Variants in AGBL1 observed in about 807,000 individuals in gnomAD.
The protein encoded by AGBL1 is cytosolic carboxypeptidase 4.
Under a neutral mutation model 118.9 loss-of-function variants are expected in AGBL1, and 130 were observed. That is an observed-to-expected ratio of 1.09 (90% CI 0.95 to 1.26). The LOEUF (loss-of-function observed/expected upper bound fraction) is 1.26, where lower values mean the gene tolerates loss of function less well. Among genes scored for constraint, AGBL1 ranks in the 50% most tolerant of loss-of-function variants. AGBL1 has a pLI of 0.00. For missense variants in AGBL1, 1,584 were observed against 1,298.1 expected (o/e 1.22, Z -3.38); for synonymous variants, 555 against 478.9 (o/e 1.16, Z -2.08).
chr15:86,722,831 C>A (rs1313963643), intron 22 of AGBL1, among the ~76,000 whole-genome samples: 5 of 151,942 alleles, frequency 3.3e-5, no homozygotes, highest in African/African-American at 7.2e-5. Context: ...ACCCCATCAA[C>A]AAGTGGGTGA....
rs116926786 is a variant in AGBL1 at position 86,467,128 on chromosome 15, C to T, written c.2556-55682C>T. Among the ~76,000 whole-genome samples the T allele has an allele frequency of 3.0e-3, 458 of 152,344 alleles. 12 individuals are homozygous for T. In the East Asian group the frequency reaches 0.081, roughly 27 times the overall value. ...GGGAGGTGGGAGTTTTGTCTTTAAG[C>T]CCTTGACTGGGGCTGCTGCCTTTCT... On this transcript the variant is annotated intron_variant, in intron 18 of 22. Transcript: ENST00000614907.
intron 22 of AGBL1, among the ~76,000 whole-genome samples, chr15:86,784,497 C>G (rs2078379180): frequency 6.6e-6 from 1 of 152,150 alleles, no homozygotes; most frequent in Non-Finnish European, 1.5e-5. Flanking sequence ...AGGTTCTATC[C>G]TTAGAGATTT....
At chr15:86,477,745 G>A (rs771622232) in intron 18 of AGBL1, among the ~76,000 whole-genome samples, 109 of 152,156 alleles carry the variant, frequency 7.2e-4, no homozygotes, top group South Asian at 1.0e-3. Flanking sequence ...GGCCAGCATC[G>A]TTCTGAGACC....
intron 18 of AGBL1, among the ~76,000 whole-genome samples, chr15:86,420,080 A>G (rs1027072717): frequency 6.6e-6 from 1 of 152,134 alleles, no homozygotes; most frequent in Non-Finnish European, 1.5e-5. Flanking sequence ...CTCTGAAGAG[A>G]GCAGTGGATC....
At chr15:86,714,028 G>A (rs192673688) in intron 22 of AGBL1, among the ~76,000 whole-genome samples, 4 of 152,256 alleles carry the variant, frequency 2.6e-5, no homozygotes, top group East Asian at 3.9e-4. Context: ...AACCTGTGTC[G>A]ATAGCTGAAC....
At chr15:86,374,861 C>T (rs2081018747) in intron 17 of AGBL1, among the ~76,000 whole-genome samples, 1 of 152,166 alleles carries the variant, frequency 6.6e-6, no homozygotes, top group African/African-American at 2.4e-5. Context: ...TATTCCCAGC[C>T]TCAGTATTCT....
At chr15:86,759,566 G>A (rs537813239) in intron 22 of AGBL1, among the ~76,000 whole-genome samples, 1 of 152,208 alleles carries the variant, frequency 6.6e-6, no homozygotes, top group South Asian at 2.1e-4. Context: ...TAATTGACTT[G>A]CTTTGGCTTT....
intron 16 of AGBL1, among the ~76,000 whole-genome samples, chr15:86,294,693 AT>A (rs200163690): frequency 3.3e-5 from 5 of 150,280 alleles, no homozygotes; most frequent in African/African-American, 1.2e-4. Flanking sequence ...TGATAACCAC[AT>A]TTTTTTTTAA....
chr15:86,229,636 A>C (rs2078423517), intron 6 of AGBL1, among the ~76,000 whole-genome samples: 1 of 150,832 alleles, frequency 6.6e-6, no homozygotes, highest in Non-Finnish European at 1.5e-5. Flanking sequence ...CCTTTTTGTC[A>C]TTTCTCATTT....
At chr15:86,718,569 C>T (rs1446911717) in intron 22 of AGBL1, among the ~76,000 whole-genome samples, 1 of 152,070 alleles carries the variant, frequency 6.6e-6, no homozygotes. Flanking sequence ...GATGGAGAAG[C>T]AAGCAATCAA....
intron 22 of AGBL1, among the ~76,000 whole-genome samples, chr15:86,683,098 A>C (rs2085990297): frequency 6.6e-6 from 1 of 152,210 alleles, no homozygotes; most frequent in African/African-American, 2.4e-5. Context: ...AATGGTGTAC[A>C]CATGCTGATT....
intron 2 of AGBL1, among the ~76,000 whole-genome samples, chr15:86,142,781 GTGT>G (rs2076980870): frequency 1.3e-5 from 2 of 152,206 alleles, no homozygotes; most frequent in African/African-American, 4.8e-5. Flanking sequence ...CGTGGGGCCT[GTGT>G]AAGTGAAGTC....
At chr15:86,455,881 C>T (rs1242723277) in intron 18 of AGBL1, among the ~76,000 whole-genome samples, 2 of 152,092 alleles carry the variant, frequency 1.3e-5, no homozygotes, top group Non-Finnish European at 2.9e-5. Flanking sequence ...ATTCAAATCT[C>T]TCATAGCCAT....
chr15:86,579,305 G>A (rs538032571), intron 21 of AGBL1, among the ~76,000 whole-genome samples: 1 of 152,254 alleles, frequency 6.6e-6, no homozygotes, highest in South Asian at 2.1e-4. Flanking sequence ...GGGAAGTCTT[G>A]AATTTGGTTA....
At chr15:87,010,052 G>C (rs572673207) in intron 24 of AGBL1, among the ~76,000 whole-genome samples, 1 of 152,232 alleles carries the variant, frequency 6.6e-6, no homozygotes, top group Non-Finnish European at 1.5e-5. Context: ...GGCATGATTA[G>C]TTTTGAAATG....
intron 18 of AGBL1, among the ~76,000 whole-genome samples, chr15:86,407,100 C>A (rs116922254): frequency 6.6e-6 from 1 of 152,152 alleles, no homozygotes; most frequent in Non-Finnish European, 1.5e-5. Context: ...GTTAACACTA[C>A]ACATTATCAA....
intron 19 of AGBL1, among the ~76,000 whole-genome samples, chr15:86,539,914 G>C (rs2142238618): frequency 6.6e-6 from 1 of 152,250 alleles, no homozygotes; most frequent in African/African-American, 2.4e-5. Flanking sequence ...TGACCTCTTG[G>C]CTTGTGGTAT....
intron 22 of AGBL1, among the ~76,000 whole-genome samples, chr15:86,738,876 C>T (rs1053974788): frequency 2.0e-5 from 3 of 151,980 alleles, no homozygotes; most frequent in African/African-American, 4.8e-5. Flanking sequence ...TGGTGGCTCA[C>T]GCCTGTAATC....
intron 22 of AGBL1, among the ~76,000 whole-genome samples, chr15:86,755,742 T>A (rs1296531883): frequency 6.6e-6 from 1 of 152,120 alleles, no homozygotes; most frequent in Non-Finnish European, 1.5e-5. Context: ...GTGCTTTCAT[T>A]TTAGTTCTTC....
Sources: gnomAD v4.1 joint callset for allele counts (sites outside exome capture counted in the v4.1 genomes callset) on GRCh38, gnomAD v4.1.1 for gene constraint, MANE v1.5 for transcripts, NCBI Gene and HGNC (gene_info 2026-07-23, HGNC 2026-07-21) for gene names.